Variants in DGLUCY observed in about 807,000 individuals in gnomAD.
DGLUCY encodes the protein D-glutamate cyclase.
Under a neutral mutation model 58.5 loss-of-function variants are expected in DGLUCY, and 58 were observed. The observed-to-expected ratio is 0.99, with a 90% CI of 0.80 to 1.23. The LOEUF (loss-of-function observed/expected upper bound fraction) is 1.23. Among genes scored for constraint, DGLUCY ranks in the 50% most tolerant of loss-of-function variants. The pLI, the probability that DGLUCY is intolerant of heterozygous loss-of-function variation, is 0.00. For synonymous variants in DGLUCY, 325 were observed against 314.1 expected, an observed-to-expected ratio of 1.03 and a Z score of -0.37; for missense variants, 779 against 784.7, an observed-to-expected ratio of 0.99 and a Z score of 0.09.
chr14:91,133,504 A>G (rs894102625), intron 1 of DGLUCY, among the ~76,000 whole-genome samples: 2 of 152,170 alleles, frequency 1.3e-5, no homozygotes. Flanking sequence ...GGTATATACC[A>G]GAAGTGGAAT....
chr14:91,097,199 C>T (rs2044409152), intron 1 of DGLUCY, among the ~76,000 whole-genome samples: 1 of 152,110 alleles, frequency 6.6e-6, no homozygotes, highest in African/African-American at 2.4e-5. Context: ...GAGTTCAAGA[C>T]CAGCCTGGGC....
chr14:91,189,491 C>G (rs1426382231), intron 9 of DGLUCY, among the ~76,000 whole-genome samples: 1 of 152,166 alleles, frequency 6.6e-6, no homozygotes, highest in Non-Finnish European at 1.5e-5. Context: ...CGGGGCAGCC[C>G]TGGACCACCA....
intron 8 of DGLUCY, among the ~76,000 whole-genome samples, chr14:91,188,463 C>A (rs2049659689): frequency 6.6e-6 from 1 of 152,100 alleles, no homozygotes; most frequent in African/African-American, 2.4e-5. Flanking sequence ...TCTGCCACAG[C>A]CCTCAAAAAA....
Position 91,138,534 on chromosome 14 carries a change from CT to C in DGLUCY, c.-81-19103del, listed in dbSNP as rs572617113. On this transcript the variant is annotated intron_variant, in intron 1 of 13. Coordinates refer to ENST00000256324, the MANE Select transcript of DGLUCY (RefSeq NM_001102368.3). The stretch of plus-strand genomic sequence containing the variant: ...AAAAGAAATATTCGAGACTGGGTAA[CT>C]TATAAAGGAAAGAGGTCTAATCCCC... Among the ~76,000 whole-genome samples the C allele has an allele frequency of 1.0e-3, 158 of 152,196 alleles. 2 individuals are homozygous for C. In the South Asian group the frequency reaches 0.011, roughly 11 times the overall value.
At chr14:91,176,722 C>CT (rs2048875899) in intron 7 of DGLUCY, among the ~76,000 whole-genome samples, 1 of 152,164 alleles carries the variant, frequency 6.6e-6, no homozygotes, top group Non-Finnish European at 1.5e-5. Flanking sequence ...GTGCCTCAGC[C>CT]TCCCAAGTAG....
At chr14:91,133,831 A>G (rs2046174189) in intron 1 of DGLUCY, among the ~76,000 whole-genome samples, 1 of 152,218 alleles carries the variant, frequency 6.6e-6, no homozygotes, top group Admixed American at 6.6e-5. Context: ...TGTCTTTGAT[A>G]ATAGCCATCC....
intron 1 of DGLUCY, among the ~76,000 whole-genome samples, chr14:91,126,216 C>T (rs1262967029): frequency 6.6e-6 from 1 of 152,144 alleles, no homozygotes; most frequent in Non-Finnish European, 1.5e-5. Flanking sequence ...GGTAGGAGTT[C>T]TACGTCAATG....
rs1020895785 is a variant in DGLUCY at position 91,207,218 on chromosome 14, C to T, written c.1564+2393C>T. Among the ~76,000 whole-genome samples the T allele has an allele frequency of 5.6e-5, 8 of 141,616 alleles. No individual in the cohort carries two copies. The East Asian group carries it at 1.7e-3, about 31-fold the overall frequency. 92.9% of individuals were successfully genotyped at this position (141,616 alleles called of 152,430 possible). On this transcript the variant is annotated intron_variant, in intron 12 of 13. Coordinates refer to ENST00000256324, the MANE Select transcript of DGLUCY (RefSeq NM_001102368.3). Reference sequence around the variant, plus strand: ...GATCAATAACTCTGTAACAGAAATGCAGAATGCCTTTGATGGGCTTATTAG... The same window carrying T: ...GATCAATAACTCTGTAACAGAAATGTAGAATGCCTTTGATGGGCTTATTAG...
At chr14:91,083,055 T>C (rs1045882644) in intron 1 of DGLUCY, among the ~76,000 whole-genome samples, 1 of 152,140 alleles carries the variant, frequency 6.6e-6, no homozygotes, top group Non-Finnish European at 1.5e-5. Context: ...ATCATGACCA[T>C]CAGAGTTTAC....
At chr14:91,106,648 A>C (rs532639701), upstream of DGLUCY, among the ~76,000 whole-genome samples, 3 of 151,124 alleles carry the variant, frequency 2.0e-5, no homozygotes, top group South Asian at 6.3e-4. Flanking sequence ...TGGAGGTTGC[A>C]GTGAGCCCAG....
At chr14:91,223,814 A>T in intron 13 of DGLUCY, 1 of 805,110 alleles carries the variant, frequency 1.2e-6, no homozygotes, top group Non-Finnish European at 1.7e-6. Flanking sequence ...TCCTCAGAAC[A>T]ACCCTCTAAA....
At chr14:91,159,766 G>A (rs759034199) in intron 2 of DGLUCY, among the ~76,000 whole-genome samples, 3 of 152,158 alleles carry the variant, frequency 2.0e-5, no homozygotes, top group African/African-American at 4.8e-5. Flanking sequence ...TTTCACTTGC[G>A]ATTGCGGTGG....
chr14:91,102,743 A>ACGTGTG (rs778918997), intron 1 of DGLUCY, among the ~76,000 whole-genome samples: 1 of 130,586 alleles, frequency 7.7e-6, no homozygotes, highest in Non-Finnish European at 1.6e-5. Context: ...TCCAGTGTGT[A>ACGTGTG]TGTGTGTGTG....
upstream of DGLUCY, among the ~76,000 whole-genome samples, chr14:91,105,779 G>A (rs534590745): frequency 2.6e-5 from 4 of 152,310 alleles, no homozygotes; most frequent in African/African-American, 9.6e-5. Flanking sequence ...AGAAAGGCAT[G>A]ATTAGGAAAT....
At chr14:91,091,792 TC>T (rs145689552) in intron 1 of DGLUCY, among the ~76,000 whole-genome samples, 66 of 152,206 alleles carry the variant, frequency 4.3e-4, no homozygotes, top group African/African-American at 1.5e-3. Flanking sequence ...AATGACTGTA[TC>T]CGGGAATGAA....
chr14:91,072,074 G>A (rs1452845139), intron 1 of DGLUCY, among the ~76,000 whole-genome samples: 1 of 152,120 alleles, frequency 6.6e-6, no homozygotes, highest in Non-Finnish European at 1.5e-5. Context: ...TACAATCCCA[G>A]CACTTTAGGA....
At chr14:91,140,245 A>G (rs546136869) in intron 1 of DGLUCY, among the ~76,000 whole-genome samples, 2 of 152,326 alleles carry the variant, frequency 1.3e-5, no homozygotes, top group East Asian at 3.9e-4. Context: ...CTAAAAATGT[A>G]AAACCTATTC....
exon 1 of DGLUCY, chr14:91,060,395 TC>T: frequency 1.3e-6 from 2 of 1,508,508 alleles, no homozygotes; most frequent in Non-Finnish European, 1.8e-6. Context: ...TCCGCGCTGG[TC>T]CCCGCGGCGC....
intron 1 of DGLUCY, among the ~76,000 whole-genome samples, chr14:91,119,413 A>G (rs941375073): frequency 6.6e-6 from 1 of 152,140 alleles, no homozygotes. Context: ...TTCTACCTTG[A>G]TCTGACCTTG....
Sources: gnomAD v4.1 joint callset for allele counts (sites outside exome capture counted in the v4.1 genomes callset) on GRCh38, gnomAD v4.1.1 for gene constraint, MANE v1.5 for transcripts, NCBI Gene and HGNC (gene_info 2026-07-23, HGNC 2026-07-21) for gene names.